The following RTF2 variants were observed in gnomAD, a reference collection of about 807,000 sequenced individuals.
RTF2 encodes the protein replication termination factor 2, also known as UPF0549 protein C20orf43.
In RTF2, 18 loss-of-function variants were observed where a neutral mutation model predicts 38.0. The ratio of observed to expected loss-of-function variants is 0.47; its 90% CI spans 0.33 to 0.70. The LOEUF is 0.70. Among genes scored for constraint, RTF2 ranks in the 30% least tolerant of loss-of-function variants. The pLI, the probability that RTF2 is intolerant of heterozygous loss-of-function variation, is 0.02. For synonymous variants in RTF2, 126 were observed against 137.1 expected (o/e 0.92, Z 0.57); for missense variants, 311 against 379.6 (o/e 0.82, Z 1.50).
intron 1 of RTF2, among the ~76,000 whole-genome samples, chr20:56,469,753 T>C (rs544040837): frequency 4.0e-5 from 6 of 150,156 alleles, no homozygotes; most frequent in Non-Finnish European, 8.9e-5. Flanking sequence ...GTCAGACCCT[T>C]GAGCAGACCT....
At chr20:56,486,416 A>G (rs1261885992) in intron 5 of RTF2, among the ~76,000 whole-genome samples, 1 of 152,232 alleles carries the variant, frequency 6.6e-6, no homozygotes, top group East Asian at 1.9e-4. Context: ...TGGGAGGCCA[A>G]GGCGGGTGGA....
At chr20:56,511,752 C>T (rs533063131) in intron 5 of RTF2, among the ~76,000 whole-genome samples, 3 of 152,240 alleles carry the variant, frequency 2.0e-5, no homozygotes, top group East Asian at 1.9e-4. Flanking sequence ...CAGACATCGC[C>T]GAATGTCCAC....
intron 5 of RTF2, chr20:56,497,137 C>G: frequency 6.4e-7 from 1 of 1,551,542 alleles, no homozygotes. Flanking sequence ...AAACAGTTAA[C>G]CAAGGTTTGC....
At chr20:56,492,376 C>T (rs1983211913) in intron 5 of RTF2, among the ~76,000 whole-genome samples, 1 of 146,372 alleles carries the variant, frequency 6.8e-6, no homozygotes. Flanking sequence ...CTGTGCCTGG[C>T]ACTGCTTTTT....
chr20:56,503,042 C>T lies in RTF2; in HGVS notation c.478-10273C>T, dbSNP rs116610532. Reference sequence around the variant, plus strand: ...CACTGAGCCTGGCCCTAGGAGGTGCCCTGTGCTCACTGGCACTCACCCTCG... The same window carrying T: ...CACTGAGCCTGGCCCTAGGAGGTGCTCTGTGCTCACTGGCACTCACCCTCG... On this transcript the variant is annotated intron_variant, in intron 5 of 8. Transcript: ENST00000357348. Among the ~76,000 whole-genome samples the T allele has an allele frequency of 2.0e-3, 301 of 152,248 alleles. 3 individuals are homozygous for T. The highest frequency in any genetic ancestry group is 6.8e-3 in the African/African-American group (283 of 41,532).
intron 1 of RTF2, 130 bp from the exon 2 acceptor site, chr20:56,473,171 G>A (rs1048213646): frequency 1.4e-5 from 9 of 654,778 alleles, no homozygotes; most frequent in African/African-American, 3.7e-5. Context: ...AACTTCCTAT[G>A]TCATTATCTT....
At chr20:56,474,825 A>C in intron 3 of RTF2, 54 bp downstream of exon 3, 1 of 1,145,188 alleles carries the variant, frequency 8.7e-7, no homozygotes, top group Non-Finnish European at 1.3e-6. Flanking sequence ...GCTGAGGTTT[A>C]TTTTATAGAA....
chr20:56,491,004 C>T (rs780252103), intron 5 of RTF2, among the ~76,000 whole-genome samples: 2 of 152,180 alleles, frequency 1.3e-5, no homozygotes, highest in Non-Finnish European at 2.9e-5. Context: ...ATGTCAAGAC[C>T]GCAGACACTT....
intron 5 of RTF2, among the ~76,000 whole-genome samples, chr20:56,505,487 C>CATAATAATAATAATAATAATAATA (rs60767194): frequency 2.1e-5 from 3 of 139,652 alleles, no homozygotes; most frequent in Non-Finnish European, 4.6e-5. Flanking sequence ...GATGCCATCT[C>CATAATAATAATAATAATAATAATA]ATAATAATAA....
intron 3 of RTF2, among the ~76,000 whole-genome samples, chr20:56,476,502 C>CT (rs11472534): frequency 0.44 from 62,302 of 142,138 alleles, 13,938 homozygotes; most frequent in Non-Finnish European, 0.45. Flanking sequence ...TTTCTGTTTT[C>CT]TTTTTTTTTT....
chr20:56,473,011 G>C (rs1319631820), intron 1 of RTF2, among the ~76,000 whole-genome samples: 1 of 152,050 alleles, frequency 6.6e-6, no homozygotes, highest in East Asian at 1.9e-4. Flanking sequence ...TGCACCCATA[G>C]TCCCAGCTAC....
Position 56,518,489 on chromosome 20 carries a change from T to TC in RTF2, c.*226dup. On this transcript the variant is annotated 3_prime_UTR_variant, in exon 9 of 9. Transcript: ENST00000357348. Reference sequence around the variant, plus strand: ...ACAGTGGCCCGAGGTCATGCTTGCTTCCACCTGCAGGTGCATTTGGTCCTT... The same window carrying TC: ...ACAGTGGCCCGAGGTCATGCTTGCTTCCCACCTGCAGGTGCATTTGGTCCTT... The TC allele has an allele frequency of 2.3e-6, 1 of 425,690 alleles. No individual in the cohort carries two copies. Among genetic ancestry groups the TC allele is most frequent in the South Asian group, 6.4e-5 (1 of 15,732 alleles). 26.4% of individuals were successfully genotyped at this position (425,690 alleles called of 1,614,324 possible). A position where few individuals can be genotyped will look rare whatever the true frequency, so the allele number is the denominator to read the frequency against.
intron 1 of RTF2, among the ~76,000 whole-genome samples, chr20:56,470,164 T>C (rs1315582405): frequency 6.6e-6 from 1 of 152,200 alleles, no homozygotes; most frequent in African/African-American, 2.4e-5. Flanking sequence ...TACCCTCTGA[T>C]CATACGTACA....
chr20:56,517,233 T>G lies in RTF2; in HGVS notation c.742+32T>G, dbSNP rs1293629693. On this transcript the variant is annotated intron_variant, in intron 8 of 8. Transcript: ENST00000357348. ...CCTGTTGTAGCTACAGGGAGCTGTTTCGAGAAGGCTGGAAACCCAGGTGGC... is the reference window on the plus strand; with the variant it reads ...CCTGTTGTAGCTACAGGGAGCTGTTGCGAGAAGGCTGGAAACCCAGGTGGC... 5 of 1,586,098 alleles carry G rather than the reference T, an allele frequency of 3.2e-6. No homozygotes were observed. In the South Asian group the frequency reaches 3.3e-5, roughly 11 times the overall value.
intron 5 of RTF2, among the ~76,000 whole-genome samples, chr20:56,503,206 A>G (rs1377844314): frequency 1.3e-5 from 2 of 152,234 alleles, no homozygotes; most frequent in East Asian, 1.9e-4. Flanking sequence ...ATGTTAGCAC[A>G]ATGTTTTCTT....
At chr20:56,514,396 T>G (rs190216231) in intron 6 of RTF2, 24 of 152,134 alleles carry the variant, frequency 1.6e-4, no homozygotes, top group African/African-American at 5.3e-4. Flanking sequence ...GAGAAAACTT[T>G]ATGTGATCAG....
chr20:56,505,730 G>A (rs770725256), intron 5 of RTF2, among the ~76,000 whole-genome samples: 18 of 152,082 alleles, frequency 1.2e-4, no homozygotes, highest in Admixed American at 9.2e-4. Flanking sequence ...ACATTGCTGC[G>A]GGAAATGCCA....
chr20:56,500,802 A>G (rs1378654173), intron 5 of RTF2, among the ~76,000 whole-genome samples: 1 of 151,896 alleles, frequency 6.6e-6, no homozygotes, highest in Admixed American at 6.6e-5. Context: ...TTTTTTTGAG[A>G]CAAGGCCTCA....
intron 5 of RTF2, among the ~76,000 whole-genome samples, chr20:56,490,475 A>T (rs1210331929): frequency 6.6e-6 from 1 of 152,198 alleles, no homozygotes; most frequent in Non-Finnish European, 1.5e-5. Context: ...CATGTCTCAG[A>T]TCTGTGCTGT....
Sources: allele counts gnomAD v4.1 joint callset (sites outside exome capture counted in the v4.1 genomes callset), GRCh38; gene constraint gnomAD v4.1.1; transcripts MANE v1.5; gene names NCBI Gene and HGNC (gene_info 2026-07-23, HGNC 2026-07-21).